The following DCLK1 variants were observed in gnomAD, a reference collection of about 807,000 sequenced individuals.
DCLK1 encodes serine/threonine-protein kinase DCLK1.
Under a neutral mutation model 86.2 loss-of-function variants are expected in DCLK1, and 16 were observed. That is an observed-to-expected ratio of 0.19 (90% CI 0.13 to 0.28). The LOEUF (loss-of-function observed/expected upper bound fraction) is 0.28. Ranked by LOEUF, DCLK1 falls within the 10% of genes least tolerant of loss-of-function variation. The pLI is 1.00. For synonymous variants in DCLK1, 369 were observed against 370.5 expected, an observed-to-expected ratio of 1.00 and a Z score of 0.05; for missense variants, 590 against 940.2, an observed-to-expected ratio of 0.63 and a Z score of 4.87.
At chr13:36,105,841 C>A (rs1028339070) in intron 3 of DCLK1, among the ~76,000 whole-genome samples, 1 of 152,078 alleles carries the variant, frequency 6.6e-6, no homozygotes, top group African/African-American at 2.4e-5. Flanking sequence ...ACTGACTGAC[C>A]AGCTGACTTT....
At chr13:35,974,737 C>T (rs1879246965) in intron 3 of DCLK1, among the ~76,000 whole-genome samples, 1 of 152,158 alleles carries the variant, frequency 6.6e-6, no homozygotes, top group African/African-American at 2.4e-5. Flanking sequence ...GCCAACTAAA[C>T]CTCTTCATAA....
At chr13:36,099,772 C>T (rs1401107210) in intron 3 of DCLK1, among the ~76,000 whole-genome samples, 1 of 152,178 alleles carries the variant, frequency 6.6e-6, no homozygotes, top group Non-Finnish European at 1.5e-5. Context: ...AGTCTGTTCA[C>T]CTAACAGGCT....
At chr13:35,857,336 T>G (rs560249366) in intron 5 of DCLK1, among the ~76,000 whole-genome samples, 3 of 152,284 alleles carry the variant, frequency 2.0e-5, no homozygotes, top group Non-Finnish European at 2.9e-5. Flanking sequence ...ATGTGATATA[T>G]GAACACAAAC....
chr13:36,001,155 T>G (rs1880698063), intron 3 of DCLK1, among the ~76,000 whole-genome samples: 1 of 152,018 alleles, frequency 6.6e-6, no homozygotes, highest in African/African-American at 2.4e-5. Flanking sequence ...TACATGTTGG[T>G]CAGGCTGGTC....
At chr13:35,815,222 C>T (rs1016153839) in intron 11 of DCLK1, among the ~76,000 whole-genome samples, 67 of 152,158 alleles carry the variant, frequency 4.4e-4, no homozygotes, top group Non-Finnish European at 5.9e-4. Context: ...TGCTTGATTT[C>T]CCTTGGATGG....
chr13:35,967,767 A>G (rs1878852033), intron 3 of DCLK1, among the ~76,000 whole-genome samples: 1 of 151,996 alleles, frequency 6.6e-6, no homozygotes, highest in African/African-American at 2.4e-5. Context: ...TCCCTCCATT[A>G]TTGTCCTATG....
chr13:36,054,420 T>C (rs1429363292), intron 3 of DCLK1, among the ~76,000 whole-genome samples: 2 of 152,212 alleles, frequency 1.3e-5, no homozygotes, highest in Non-Finnish European at 1.5e-5. Context: ...GTCTAACTTT[T>C]TAGCTTGCAA....
intron 2 of DCLK1, among the ~76,000 whole-genome samples, chr13:36,119,985 A>G (rs1262882305): frequency 1.3e-5 from 2 of 152,218 alleles, no homozygotes; most frequent in African/African-American, 2.4e-5. Flanking sequence ...TGATACTTGT[A>G]TAAGTCCAAA....
chr13:36,022,072 A>T (rs1881808948), intron 3 of DCLK1, among the ~76,000 whole-genome samples: 1 of 152,124 alleles, frequency 6.6e-6, no homozygotes. Context: ...AAATCATACA[A>T]AGTATGTTCT....
At chr13:35,866,467 T>G (rs1871796961) in intron 5 of DCLK1, among the ~76,000 whole-genome samples, 1 of 142,780 alleles carries the variant, frequency 7.0e-6, no homozygotes, top group African/African-American at 2.6e-5. Context: ...TTTTTTTTTT[T>G]TTTGAGACAG....
chr13:35,897,957 A>G (rs1333060190), intron 4 of DCLK1, among the ~76,000 whole-genome samples: 2 of 152,256 alleles, frequency 1.3e-5, no homozygotes, highest in African/African-American at 2.4e-5. Context: ...GGCCATCTCC[A>G]TCAGCAACAG....
chr13:35,852,464 T>C (rs925731766), intron 6 of DCLK1, among the ~76,000 whole-genome samples: 25 of 152,214 alleles, frequency 1.6e-4, no homozygotes, highest in African/African-American at 5.8e-4. Flanking sequence ...CCTCACAACA[T>C]GTGCTCAATA....
intron 6 of DCLK1, chr13:35,848,804 A>T: frequency 6.1e-6 from 6 of 985,370 alleles, no homozygotes; most frequent in Non-Finnish European, 7.2e-6. Flanking sequence ...TTAGTCAAAT[A>T]CATACTAATC....
rs962096914 is a variant in DCLK1 at position 35,846,286 on chromosome 13, A to C, written c.1036-7110T>G. On this transcript the variant is annotated intron_variant, in intron 6 of 16. Transcript: ENST00000360631. ...ATATATTTCAAAGTAAAGAGTTCTT[A>C]GAAAAAATAAACTCAATTCCTTGCT... is the stretch of plus-strand genomic sequence containing the variant. 3 of 985,108 alleles carry C rather than the reference A, an allele frequency of 3.0e-6. No homozygotes were observed. The Admixed American group carries it at 1.8e-4, about 61-fold the overall frequency. The allele number at this position is 985,108 out of a possible 1,614,324, so 61.0% of individuals were successfully genotyped here. A position where few individuals can be genotyped will look rare whatever the true frequency, so the allele number is the denominator to read the frequency against.
chr13:35,989,803 C>CA (rs1287559326), intron 3 of DCLK1, among the ~76,000 whole-genome samples: 1 of 151,392 alleles, frequency 6.6e-6, no homozygotes, highest in Non-Finnish European at 1.5e-5. Context: ...GCTCCTGCTT[C>CA]AGCCTCCTGA....
intron 3 of DCLK1, among the ~76,000 whole-genome samples, chr13:36,029,537 A>T (rs1882183532): frequency 6.6e-6 from 1 of 152,168 alleles, no homozygotes; most frequent in South Asian, 2.1e-4. Context: ...TGCACTTTTA[A>T]TGTTAAATAC....
In DCLK1 at chr13:35,888,652, G is replaced by A. The variant is rs1479501965; in HGVS notation, c.824-17312C>T. 3.3e-5 allele frequency among the ~76,000 whole-genome samples: 5 copies of A among 152,194 alleles called. No homozygotes were observed. The South Asian group carries it at 8.3e-4, about 25-fold the overall frequency. On this transcript the variant is annotated intron_variant, in intron 4 of 16. Transcript: ENST00000360631. ...GTGGTCTTTCAATGAAAAGGATCTG[G>A]TTAGAAGGGAGACATTACAGTTGAC... is the stretch of plus-strand genomic sequence containing the variant.
chr13:35,793,875 C>A (rs1210768036), intron 15 of DCLK1, among the ~76,000 whole-genome samples: 1 of 152,050 alleles, frequency 6.6e-6, no homozygotes, highest in Non-Finnish European at 1.5e-5. Flanking sequence ...CTTAACCCAT[C>A]ATTTAGACCC....
intron 3 of DCLK1, among the ~76,000 whole-genome samples, chr13:35,983,203 G>A (rs1255894884): frequency 6.6e-6 from 1 of 152,002 alleles, no homozygotes; most frequent in African/African-American, 2.4e-5. Flanking sequence ...ACAGCTCACT[G>A]CAGTCTCAAA....
Sources: gnomAD v4.1 joint callset for allele counts (sites outside exome capture counted in the v4.1 genomes callset) on GRCh38, gnomAD v4.1.1 for gene constraint, MANE v1.5 for transcripts, NCBI Gene and HGNC (gene_info 2026-07-23, HGNC 2026-07-21) for gene names.